Variants in RIF1 observed in about 807,000 individuals in gnomAD.
RIF1 encodes replication timing regulatory factor 1.
A neutral mutation model predicts 247.1 loss-of-function variants in RIF1; 45 were observed. The observed-to-expected ratio is 0.18, with a 90% CI of 0.14 to 0.23. The LOEUF is 0.23. Ranked by LOEUF, RIF1 falls within the 10% of genes least tolerant of loss-of-function variation. RIF1 has a pLI of 1.00. For synonymous variants in RIF1, 1,087 were observed against 978.8 expected (o/e 1.11, Z -2.06); for missense variants, 2,967 against 2,862.5 (o/e 1.04, Z -0.83).
chr2:151,493,151 GTTAATGTCTATTT>G (rs1292583571), intron 9 of RIF1: 1 of 534,992 alleles, frequency 1.9e-6, no homozygotes, highest in East Asian at 3.1e-5. Flanking sequence ...TAAAAGCACA[GTTAATGTCTATTT>G]TAGTGTAAAT....
downstream of RIF1, among the ~76,000 whole-genome samples, chr2:151,508,728 G>A (rs1309790203): frequency 6.6e-6 from 1 of 152,200 alleles, no homozygotes; most frequent in Non-Finnish European, 1.5e-5. Flanking sequence ...CACACCTGGA[G>A]CACTACTAAG....
At chr2:151,411,235 A>G in intron 2 of RIF1, 25 bp from the exon 3 acceptor site, 2 of 1,433,364 alleles carry the variant, frequency 1.4e-6, no homozygotes, top group Non-Finnish European at 9.7e-7. Context: ...AACTACTTAA[A>G]CTTGTGTTCT....
intron 6 of RIF1, 105 bp downstream of exon 6, chr2:151,417,006 A>T: frequency 4.3e-5 from 33 of 774,176 alleles, no homozygotes; most frequent in African/African-American, 7.0e-5. Context: ...AAAGGGGGGA[A>T]TGTCATTTAC....
chr2:151,465,452 A>G lies in RIF1; in HGVS notation c.5932A>G (p.Asn1978Asp), dbSNP rs1185114249. ...EFNSDISLSDNTTPVKLNAQT... is the reference protein window; with the variant it reads ...EFNSDISLSDDTTPVKLNAQT... ...TAATTCAGATATTAGTCTTTCTGAT[A>G]ATACTACACCTGTAAAATTGAATGC... The change falls in exon 30 of 36, where the codon AAT (asparagine) becomes GAT (aspartate). Residue 1978 changes from asparagine (N) to aspartate (D), a missense_variant. Physicochemically the swap from Asn to Asp is conservative, Grantham distance 23. Coordinates refer to ENST00000444746, the MANE Select transcript of RIF1 (RefSeq NM_018151.5). The G allele has an allele frequency of 2.5e-6, 4 of 1,614,042 alleles. No homozygotes were observed. In the South Asian group the frequency reaches 4.4e-5, roughly 18 times the overall value.
chr2:151,460,202 A>G (rs1695903888), intron 26 of RIF1, 83 bp downstream of exon 26: 1 of 1,058,592 alleles, frequency 9.4e-7, no homozygotes, highest in African/African-American at 1.7e-5. Context: ...GGATGAAAGA[A>G]CTATAAAAGA....
intron 6 of RIF1, 101 bp from the exon 7 acceptor site, chr2:151,420,089 A>G (rs1416041083): frequency 3.2e-6 from 3 of 924,234 alleles, no homozygotes; most frequent in Non-Finnish European, 4.8e-6. Context: ...TTCTAAAACA[A>G]ATGGGCCGTA....
chr2:151,422,400 A>G (rs1688335936), intron 7 of RIF1, among the ~76,000 whole-genome samples: 1 of 152,102 alleles, frequency 6.6e-6, no homozygotes, highest in Non-Finnish European at 1.5e-5. Flanking sequence ...AACATAGTAA[A>G]GTGTTAATGG....
intron 25 of RIF1, among the ~76,000 whole-genome samples, 158 bp from the exon 26 acceptor site, chr2:151,459,842 A>G (rs1695853076): frequency 6.6e-6 from 1 of 152,252 alleles, no homozygotes; most frequent in Admixed American, 6.5e-5. Context: ...TGAATTAGAC[A>G]GTGGCTTTCC....
At chr2:151,526,316 T>C in the RIF1 span, 1 of 1,188,508 alleles carries the variant, frequency 8.4e-7, no homozygotes, top group Non-Finnish European at 1.2e-6. Flanking sequence ...ATCCTACATA[T>C]TTTTATTACA....
intron 24 of RIF1, among the ~76,000 whole-genome samples, chr2:151,458,225 G>GTTTTTTT (rs1559002529): frequency 8.7e-6 from 1 of 115,200 alleles, no homozygotes; most frequent in African/African-American, 3.0e-5. Context: ...GGAAATAGAT[G>GTTTTTTT]ATTTTTTTTT....
At position 151,480,762 on chromosome 2, in the gene RIF1, G is replaced by C. The variant is rs1422932795; in HGVS notation, c.*5691G>C. ...ATTGAATAGCTAACAAGTGTCTAAA[G>C]AATTTTTTATTTTTATAGAATAGGA... On this transcript the variant is annotated 3_prime_UTR_variant, in exon 36 of 36. Transcript: ENST00000444746. 6.6e-6 allele frequency: 1 copy of C among 151,972 alleles called. No homozygotes were observed. Among genetic ancestry groups the C allele is most frequent in the African/African-American group, 2.4e-5 (1 of 41,424 alleles). The allele number at this position is 151,972 out of a possible 1,614,324, so 9.4% of individuals were successfully genotyped here.
At chr2:151,495,974 C>T (rs1273082735) in intron 10 of RIF1, among the ~76,000 whole-genome samples, 1 of 152,114 alleles carries the variant, frequency 6.6e-6, no homozygotes, top group Non-Finnish European at 1.5e-5. Flanking sequence ...AAATTTCAAG[C>T]ATATCTAAAA....
chr2:151,473,795 A>G (rs529117272), intron 34 of RIF1, among the ~76,000 whole-genome samples, 169 bp from the exon 35 acceptor site: 45 of 152,284 alleles, frequency 3.0e-4, no homozygotes, highest in African/African-American at 1.0e-3. Flanking sequence ...TATTTTGTGT[A>G]GTTAGAACCT....
intron 11 of RIF1, among the ~76,000 whole-genome samples, chr2:151,500,425 C>CAGACAG (rs60202285): frequency 3.3e-5 from 5 of 150,930 alleles, no homozygotes; most frequent in African/African-American, 4.9e-5. Context: ...GTATATAATA[C>CAGACAG]ACAAATAATT....
At chr2:151,499,621 T>C (rs774324371) in intron 11 of RIF1, 2 of 344,364 alleles carry the variant, frequency 5.8e-6, no homozygotes, top group Non-Finnish European at 1.1e-5. Flanking sequence ...CTTGAATATA[T>C]TTATTTCCTG....
At chr2:151,512,846 C>T (rs1328112461), downstream of RIF1, 17 of 1,580,316 alleles carry the variant, frequency 1.1e-5, no homozygotes, top group Non-Finnish European at 1.5e-5. Flanking sequence ...ATCTGTAAAA[C>T]AACACCGAAT....
At chr2:151,449,709 T>C (rs1693932806) in intron 20 of RIF1, among the ~76,000 whole-genome samples, 1 of 152,012 alleles carries the variant, frequency 6.6e-6, no homozygotes, top group African/African-American at 2.4e-5. Context: ...TTTATTTTAT[T>C]GATCATTACT....
chr2:151,486,434 G>GA (rs1319828445), downstream of RIF1: 1 of 157,912 alleles, frequency 6.3e-6, no homozygotes, highest in Non-Finnish European at 1.4e-5. Context: ...CCTTGGAAAA[G>GA]AATTTGGCAG....
At chr2:151,519,700 C>T in the RIF1 span, 3 of 1,613,098 alleles carry the variant, frequency 1.9e-6, no homozygotes, top group Non-Finnish European at 2.5e-6. Flanking sequence ...CTTTGTAGAG[C>T]TGGCTGTCTT....
Sources: gnomAD v4.1 joint callset for allele counts (sites outside exome capture counted in the v4.1 genomes callset) on GRCh38, gnomAD v4.1.1 for gene constraint, MANE v1.5 for transcripts, NCBI Gene and HGNC (gene_info 2026-07-23, HGNC 2026-07-21) for gene names.